The following ATP10A variants were observed in gnomAD, a reference collection of about 807,000 sequenced individuals.
ATP10A encodes the protein ATPase phospholipid transporting 10A (putative).
In ATP10A, 111 loss-of-function variants were observed where a neutral mutation model predicts 147.8. That is an observed-to-expected ratio of 0.75 (90% CI 0.64 to 0.88). The LOEUF (loss-of-function observed/expected upper bound fraction) is 0.88, where lower values mean the gene tolerates loss of function less well. ATP10A is among the 40% of genes least tolerant of loss of function. The pLI, the probability that ATP10A is intolerant of heterozygous loss-of-function variation, is 0.00. For synonymous variants in ATP10A, 875 were observed against 841.6 expected, an observed-to-expected ratio of 1.04 and a Z score of -0.69; for missense variants, 1,927 against 1,959.0, an observed-to-expected ratio of 0.98 and a Z score of 0.31.
intron 1 of ATP10A, among the ~76,000 whole-genome samples, chr15:25,835,228 G>A (rs1293810083): frequency 2.0e-5 from 3 of 152,132 alleles, no homozygotes; most frequent in African/African-American, 7.2e-5. Context: ...TGATGATCAT[G>A]CCCCTGCACT....
chr15:25,685,387 C>T (rs1236828784), intron 16 of ATP10A, among the ~76,000 whole-genome samples: 4 of 152,140 alleles, frequency 2.6e-5, no homozygotes, highest in African/African-American at 7.2e-5. Flanking sequence ...AGGCTGTGCC[C>T]GTTCCAGGTG....
rs184365771 is a variant in ATP10A at position 25,817,376 on chromosome 15, C to T, written c.450-36153G>A. 6.8e-4 allele frequency among the ~76,000 whole-genome samples: 104 copies of T among 152,314 alleles called. 1 individual carries two copies. Among genetic ancestry groups the T allele is most frequent in the Admixed American group, 1.2e-3 (18 of 15,300 alleles). ...GGGATTGCAGGCGTGAGCCACCGCA[C>T]CCAGCCTCTCTCTCTAACAATGTGG... On this transcript the variant is annotated intron_variant, in intron 1 of 20. Transcript: ENST00000555815.
intron 1 of ATP10A, among the ~76,000 whole-genome samples, chr15:25,860,095 C>T (rs1194139098): frequency 1.3e-5 from 2 of 152,188 alleles, no homozygotes; most frequent in African/African-American, 4.8e-5. Flanking sequence ...GAAGTCATTT[C>T]CTTGGCTGCT....
chr15:25,735,928 C>T (rs1053905446), intron 3 of ATP10A, 128 bp downstream of exon 3: 15 of 862,436 alleles, frequency 1.7e-5, no homozygotes, highest in Non-Finnish European at 2.6e-5. Flanking sequence ...TGCTGGGCCA[C>T]ATTCCCAAAC....
rs1887874828 is a variant in ATP10A at position 25,746,995 on chromosome 15, G to A, written c.655-10854C>T. On this transcript the variant is annotated intron_variant, in intron 2 of 20. Coordinates refer to ENST00000555815, the MANE Select transcript of ATP10A (RefSeq NM_024490.4). ...AAAACTTCTTGTCTTAAGTATTTCA[G>A]ATAAAGAATATTCAACTTGGCTGGC... is the stretch of plus-strand genomic sequence containing the variant. Among the ~76,000 whole-genome samples, 3 of 152,256 alleles carry A rather than the reference G, an allele frequency of 2.0e-5. No homozygotes were observed. The South Asian group carries it at 6.2e-4, about 32-fold the overall frequency.
Position 25,679,941 on chromosome 15 carries a change from G to A in ATP10A, c.3900C>T (p.Phe1300=). The A allele has an allele frequency of 6.2e-7, 1 of 1,605,912 alleles. No homozygotes were observed. Among genetic ancestry groups the A allele is most frequent in the Non-Finnish European group, 8.5e-7 (1 of 1,174,398 alleles). ...LFFRSLQGRV[F]PTQLQLARQL... Reference sequence around the variant, plus strand: ...GACGTGCCAGCTGAAGTTGTGTGGGGAAAACCCTCCCCTGGAGGGATCTGA... The same window carrying A: ...GACGTGCCAGCTGAAGTTGTGTGGGAAAAACCCTCCCCTGGAGGGATCTGA... Residue 1300 remains phenylalanine, a synonymous_variant, in exon 21 of 21, where the codon TTC becomes TTT. Transcript: ENST00000555815.
intron 1 of ATP10A, among the ~76,000 whole-genome samples, chr15:25,803,917 G>A (rs1891051329): frequency 6.6e-6 from 1 of 152,198 alleles, no homozygotes. Flanking sequence ...TTCACCCCAA[G>A]ACACATGTGT....
intron 2 of ATP10A, among the ~76,000 whole-genome samples, chr15:25,750,889 G>A (rs1888121667): frequency 6.6e-6 from 1 of 151,720 alleles, no homozygotes; most frequent in Non-Finnish European, 1.5e-5. Context: ...CTAATGAAAA[G>A]GTATAGCTAA....
intron 2 of ATP10A, among the ~76,000 whole-genome samples, chr15:25,771,051 G>A (rs1889307032): frequency 6.6e-6 from 1 of 152,166 alleles, no homozygotes; most frequent in Non-Finnish European, 1.5e-5. Context: ...CTGTTTATAA[G>A]CGGTAGTGGT....
intron 1 of ATP10A, among the ~76,000 whole-genome samples, chr15:25,798,406 A>G (rs1269843911): frequency 1.3e-5 from 2 of 152,168 alleles, no homozygotes; most frequent in Non-Finnish European, 2.9e-5. Context: ...CTGAAGTCCC[A>G]TAGCCACCAG....
intron 1 of ATP10A, among the ~76,000 whole-genome samples, chr15:25,827,334 G>C (rs1044415078): frequency 6.6e-6 from 1 of 152,184 alleles, no homozygotes; most frequent in Non-Finnish European, 1.5e-5. Context: ...AAGAAATAAA[G>C]AGCACCAGTA....
At chr15:25,794,593 G>A (rs1162605478) in intron 1 of ATP10A, among the ~76,000 whole-genome samples, 1 of 152,204 alleles carries the variant, frequency 6.6e-6, no homozygotes, top group Non-Finnish European at 1.5e-5. Flanking sequence ...TGGGCACAGT[G>A]TGCAGTGACC....
chr15:25,767,479 C>T (rs1390745654), intron 2 of ATP10A, among the ~76,000 whole-genome samples: 1 of 152,194 alleles, frequency 6.6e-6, no homozygotes, highest in Admixed American at 6.5e-5. Context: ...CAGCACAGCC[C>T]CTCCTCTGAC....
rs2140299916 is a variant in ATP10A, at chr15:25,687,838, G to C, written c.3166-10C>G. On this transcript the variant is annotated splice_polypyrimidine_tract_variant and intron_variant, in intron 15 of 20. Coordinates refer to ENST00000555815, the MANE Select transcript of ATP10A (RefSeq NM_024490.4). ...CGCTGGCCATCACTGCCTTCAAAGG[G>C]AGAGGGATTCCTGTTACTGGTGATG... The C allele has an allele frequency of 6.2e-7, 1 of 1,613,830 alleles. No homozygotes were observed. Among genetic ancestry groups the C allele is most frequent in the Non-Finnish European group, 8.5e-7 (1 of 1,179,844 alleles).
rs572528522 is a variant in ATP10A, at chr15:25,732,198, G to A, written c.740+3858C>T. 1.4e-4 allele frequency among the ~76,000 whole-genome samples: 22 copies of A among 152,208 alleles called. No homozygotes were observed. In the South Asian group the frequency reaches 1.5e-3, roughly 10 times the overall value. Reference sequence around the variant, plus strand: ...TTCTGTTTGTATTTGTATCATCAGAGTTGTAAAACTACCACCACCAGCTAA... The same window carrying A: ...TTCTGTTTGTATTTGTATCATCAGAATTGTAAAACTACCACCACCAGCTAA... On this transcript the variant is annotated intron_variant, in intron 3 of 20. Transcript: ENST00000555815.
chr15:25,820,908 A>G (rs1891850698), intron 1 of ATP10A, among the ~76,000 whole-genome samples: 2 of 152,222 alleles, frequency 1.3e-5, no homozygotes, highest in Admixed American at 1.3e-4. Flanking sequence ...GAAAAGGTTG[A>G]TATATTGGAA....
At chr15:25,793,377 G>T (rs1890524629) in intron 1 of ATP10A, among the ~76,000 whole-genome samples, 1 of 152,158 alleles carries the variant, frequency 6.6e-6, no homozygotes, top group African/African-American at 2.4e-5. Flanking sequence ...CCTTTAAAAA[G>T]ATATCGCCAC....
At chr15:25,851,930 A>G (rs1012700103) in intron 1 of ATP10A, among the ~76,000 whole-genome samples, 4 of 152,220 alleles carry the variant, frequency 2.6e-5, no homozygotes, top group Non-Finnish European at 5.9e-5. Context: ...ATTTAAAAAA[A>G]CTGAGGAAGT....
rs1289753106 is a variant in ATP10A at position 25,679,534 on chromosome 15, C to T, written c.4307G>A (p.Ser1436Asn). 6.2e-7 allele frequency: 1 copy of T among 1,613,212 alleles called. No homozygotes were observed. Among genetic ancestry groups the T allele is most frequent in the Non-Finnish European group, 8.5e-7 (1 of 1,179,326 alleles). The change falls in exon 21 of 21, where the codon AGC becomes AAC. Residue 1436 changes from serine (S) to asparagine (N), a missense_variant. Coordinates refer to ENST00000555815, the MANE Select transcript of ATP10A (RefSeq NM_024490.4). ...CCAGGAGGAAATCCAGTTGAGTAAGCTGAAGGTAGGCAGGCTGAAGAGGGA... is the reference window on the plus strand; with the variant it reads ...CCAGGAGGAAATCCAGTTGAGTAAGTTGAAGGTAGGCAGGCTGAAGAGGGA... ...LSSLFSLPTF[S>N]LLNWISSWSL... is the part of the protein sequence containing the mutation.
Sources: gnomAD v4.1 joint callset for allele counts (sites outside exome capture counted in the v4.1 genomes callset) on GRCh38, gnomAD v4.1.1 for gene constraint, MANE v1.5 for transcripts, NCBI Gene and HGNC (gene_info 2026-07-23, HGNC 2026-07-21) for gene names.